The following CAP2 variants were observed in gnomAD, a reference collection of about 807,000 sequenced individuals.
CAP2 encodes the protein adenylyl cyclase-associated protein 2.
In CAP2, 24 loss-of-function variants were observed where a neutral mutation model predicts 57.7. The observed-to-expected ratio is 0.42, with a 90% confidence interval of 0.30 to 0.58. CAP2 has a LOEUF of 0.58. Ranked by LOEUF, CAP2 falls within the 20% of genes least tolerant of loss-of-function variation. The pLI is 0.22. For missense variants in CAP2, 501 were observed against 590.3 expected (o/e 0.85, Z 1.57); for synonymous variants, 194 against 207.2 (o/e 0.94, Z 0.55).
rs57158664 is a variant in CAP2 at position 17,405,498 on chromosome 6, GTC to G, written c.-2+11783_-2+11784del. On this transcript the variant is annotated intron_variant, in intron 1 of 12. Transcript: ENST00000229922. ...ATAATAAAGGTTATGTGAATGTGGAGTCTCTCTCTCTCTCTCTCTCTCTCTCT... is the reference window on the plus strand; with the variant it reads ...ATAATAAAGGTTATGTGAATGTGGAGTCTCTCTCTCTCTCTCTCTCTCTCT... Among the ~76,000 whole-genome samples the G allele has an allele frequency of 2.2e-3, 321 of 148,224 alleles. 1 individual carries two copies. The highest frequency in any genetic ancestry group is 4.5e-3 in the African/African-American group (182 of 40,774).
chr6:17,428,488 A>G (rs1483512264), intron 3 of CAP2, among the ~76,000 whole-genome samples: 3 of 152,140 alleles, frequency 2.0e-5, no homozygotes, highest in Non-Finnish European at 4.4e-5. Flanking sequence ...CATTTTCAGT[A>G]TAGATTCACA....
At chr6:17,495,669 A>T (rs1054712929) in intron 4 of CAP2, among the ~76,000 whole-genome samples, 1 of 152,184 alleles carries the variant, frequency 6.6e-6, no homozygotes, top group African/African-American at 2.4e-5. Context: ...CCCTTGGACG[A>T]CAAAGAAGCA....
At chr6:17,438,534 G>A (rs1185900335) in intron 3 of CAP2, among the ~76,000 whole-genome samples, 1 of 131,950 alleles carries the variant, frequency 7.6e-6, no homozygotes, top group Non-Finnish European at 1.5e-5. Context: ...TGCCTCTCAG[G>A]TTCATGCCAT....
chr6:17,554,926 TTGTC>T (rs1351952671), intron 12 of CAP2, among the ~76,000 whole-genome samples: 1 of 152,222 alleles, frequency 6.6e-6, no homozygotes, highest in Non-Finnish European at 1.5e-5. Context: ...CTATTATTCT[TTGTC>T]TGTACGTGTG....
At chr6:17,501,647 G>A (rs568722274) in intron 4 of CAP2, among the ~76,000 whole-genome samples, 1 of 152,246 alleles carries the variant, frequency 6.6e-6, no homozygotes, top group South Asian at 2.1e-4. Flanking sequence ...TGGGAATCTG[G>A]TTTTCCTTTT....
Position 17,488,055 on chromosome 6 carries a change from G to A in CAP2, c.301-19114G>A, listed in dbSNP as rs138006620. On this transcript the variant is annotated intron_variant, in intron 4 of 12. Coordinates refer to ENST00000229922, the MANE Select transcript of CAP2 (RefSeq NM_006366.3). ...TCCTCCCGCCTCAGCCTCTCAAGTA[G>A]CAGGGACACCCACTTAGTTTTATTT... is the stretch of plus-strand genomic sequence containing the variant. Among the ~76,000 whole-genome samples the A allele has an allele frequency of 2.5e-3, 379 of 152,164 alleles. 5 individuals are homozygous for A. Among genetic ancestry groups the A allele is most frequent in the African/African-American group, 9.0e-3 (373 of 41,516 alleles).
intron 1 of CAP2, among the ~76,000 whole-genome samples, chr6:17,419,672 A>C (rs955812435): frequency 4.6e-5 from 7 of 151,054 alleles, no homozygotes; most frequent in Admixed American, 6.6e-5. Context: ...AAGCATGGAT[A>C]CCCTGCCCCC....
intron 4 of CAP2, among the ~76,000 whole-genome samples, chr6:17,470,171 A>C (rs1328869271): frequency 6.6e-6 from 1 of 152,178 alleles, no homozygotes; most frequent in East Asian, 1.9e-4. Flanking sequence ...AGAATCTTCT[A>C]TCTTTTTCTC....
chr6:17,465,249 G>A (rs1320208475), intron 4 of CAP2, among the ~76,000 whole-genome samples: 1 of 152,142 alleles, frequency 6.6e-6, no homozygotes, highest in Non-Finnish European at 1.5e-5. Context: ...CTAGAGTGCA[G>A]TGGTGCAATC....
chr6:17,477,667 A>G (rs1381096446), intron 4 of CAP2, among the ~76,000 whole-genome samples: 2 of 152,200 alleles, frequency 1.3e-5, no homozygotes, highest in African/African-American at 4.8e-5. Flanking sequence ...ATACTTAACA[A>G]GATCATCATT....
intron 12 of CAP2, among the ~76,000 whole-genome samples, chr6:17,552,257 A>G (rs1763187239): frequency 6.6e-6 from 1 of 152,230 alleles, no homozygotes; most frequent in Admixed American, 6.5e-5. Flanking sequence ...CCATACACGT[A>G]TTCTCACACT....
chr6:17,461,052 G>A (rs1760706761), intron 3 of CAP2, among the ~76,000 whole-genome samples: 1 of 152,146 alleles, frequency 6.6e-6, no homozygotes, highest in African/African-American at 2.4e-5. Context: ...AGGAGGCTGA[G>A]GCAGGAGGAT....
At chr6:17,414,631 C>T (rs917909561) in intron 1 of CAP2, among the ~76,000 whole-genome samples, 2 of 152,154 alleles carry the variant, frequency 1.3e-5, no homozygotes, top group African/African-American at 4.8e-5. Flanking sequence ...ATATGTACCA[C>T]ATTTTCTTTA....
intron 12 of CAP2, among the ~76,000 whole-genome samples, chr6:17,552,347 G>A (rs1395814235): frequency 6.6e-6 from 1 of 152,144 alleles, no homozygotes; most frequent in Non-Finnish European, 1.5e-5. Flanking sequence ...ACTTGAAAGT[G>A]AGGAAATAAA....
At chr6:17,478,852 G>A (rs996057444) in intron 4 of CAP2, among the ~76,000 whole-genome samples, 2 of 152,050 alleles carry the variant, frequency 1.3e-5, no homozygotes, top group Non-Finnish European at 2.9e-5. Context: ...ATTCCATTCA[G>A]CCTCCTTGAA....
intron 4 of CAP2, among the ~76,000 whole-genome samples, chr6:17,481,616 A>G (rs1761288225): frequency 6.6e-6 from 1 of 152,198 alleles, no homozygotes; most frequent in African/African-American, 2.4e-5. Flanking sequence ...TTTGTTTCTC[A>G]AGTATGTCCT....
intron 1 of CAP2, among the ~76,000 whole-genome samples, chr6:17,402,862 A>T (rs1396358930): frequency 6.6e-6 from 1 of 152,234 alleles, no homozygotes; most frequent in African/African-American, 2.4e-5. Flanking sequence ...CAGATGAATA[A>T]GTATTAGGGT....
chr6:17,514,234 A>C (rs1391815767), intron 7 of CAP2, among the ~76,000 whole-genome samples: 1 of 152,022 alleles, frequency 6.6e-6, no homozygotes, highest in Non-Finnish European at 1.5e-5. Flanking sequence ...ATGGTAACGC[A>C]CTTCTGTAAT....
At chr6:17,533,779 G>A (rs562281801) in intron 7 of CAP2, among the ~76,000 whole-genome samples, 1 of 152,016 alleles carries the variant, frequency 6.6e-6, no homozygotes, top group Non-Finnish European at 1.5e-5. Flanking sequence ...TGTTGGCCAG[G>A]ATGGTCTTGA....
Sources: allele counts gnomAD v4.1 joint callset (sites outside exome capture counted in the v4.1 genomes callset), GRCh38; gene constraint gnomAD v4.1.1; transcripts MANE v1.5; gene names NCBI Gene and HGNC (gene_info 2026-07-23, HGNC 2026-07-21).